The following IRAK2 variants were observed in gnomAD, a reference collection of about 807,000 sequenced individuals.
The protein encoded by IRAK2 is interleukin 1 receptor associated kinase 2, also known as interleukin-1 receptor-associated kinase-like 2.
A neutral mutation model predicts 72.0 loss-of-function variants in IRAK2; 57 were observed. The ratio of observed to expected loss-of-function variants is 0.79; its 90% confidence interval spans 0.64 to 0.99. The LOEUF (loss-of-function observed/expected upper bound fraction) is 0.99. Among genes scored for constraint, IRAK2 ranks in the 50% least tolerant of loss-of-function variants. IRAK2 has a pLI of 0.00. For missense variants in IRAK2, 790 were observed against 794.4 expected, an observed-to-expected ratio of 0.99 and a Z score of 0.07; for synonymous variants, 293 against 312.7, an observed-to-expected ratio of 0.94 and a Z score of 0.67.
intron 2 of IRAK2, among the ~76,000 whole-genome samples, chr3:10,195,721 A>G (rs543668859): frequency 6.6e-6 from 1 of 152,246 alleles, no homozygotes; most frequent in Non-Finnish European, 1.5e-5. Flanking sequence ...TGAGACCTTT[A>G]GGGAGCATTT....
chr3:10,237,146 C>G (rs574123906), intron 11 of IRAK2, among the ~76,000 whole-genome samples: 11 of 152,368 alleles, frequency 7.2e-5, no homozygotes, highest in African/African-American at 2.4e-4. Flanking sequence ...ATGGCCACGC[C>G]TAGCTCCAAG....
intron 4 of IRAK2, among the ~76,000 whole-genome samples, chr3:10,212,798 T>C: frequency 7.5e-6 from 1 of 132,566 alleles, no homozygotes; most frequent in Admixed American, 8.5e-5. Flanking sequence ...AGAGTCTCGC[T>C]CTGTCACCCA....
At chr3:10,211,264 C>T (rs1269005315) in intron 4 of IRAK2, among the ~76,000 whole-genome samples, 1 of 152,144 alleles carries the variant, frequency 6.6e-6, no homozygotes, top group East Asian at 1.9e-4. Flanking sequence ...GCCTCAGCCT[C>T]CTGAGTATCC....
chr3:10,220,391 GTTC>G (rs1352047372), intron 8 of IRAK2, among the ~76,000 whole-genome samples: 1 of 152,100 alleles, frequency 6.6e-6, no homozygotes, highest in East Asian at 1.9e-4. Context: ...TTTCCCCAAA[GTTC>G]TCTTTCCATT....
intron 3 of IRAK2, among the ~76,000 whole-genome samples, chr3:10,206,854 C>A (rs1279453918): frequency 3.8e-5 from 2 of 52,232 alleles, no homozygotes; most frequent in Non-Finnish European, 7.4e-5. Flanking sequence ...CTGTGCTGGC[C>A]AAAACAAATT....
intron 6 of IRAK2, among the ~76,000 whole-genome samples, chr3:10,215,577 G>A (rs954145686): frequency 2.6e-5 from 4 of 151,776 alleles, no homozygotes; most frequent in African/African-American, 9.7e-5. Context: ...GTAGAGACAC[G>A]ATCTCACTAT....
intron 8 of IRAK2, among the ~76,000 whole-genome samples, chr3:10,221,629 G>A (rs757389669): frequency 1.4e-4 from 21 of 151,246 alleles, no homozygotes; most frequent in South Asian, 4.2e-4. Flanking sequence ...TCAGCTCACC[G>A]CAGCTTCCCA....
At chr3:10,182,701 C>T (rs1032480576) in intron 2 of IRAK2, among the ~76,000 whole-genome samples, 7 of 151,978 alleles carry the variant, frequency 4.6e-5, no homozygotes, top group African/African-American at 1.5e-4. Context: ...TGAGCCACTG[C>T]GCCAGGCCCT....
At chr3:10,175,950 A>T (rs1045425139) in intron 1 of IRAK2, among the ~76,000 whole-genome samples, 2 of 151,652 alleles carry the variant, frequency 1.3e-5, no homozygotes. Flanking sequence ...CGTGGCAACA[A>T]CTACATCCAA....
At chr3:10,193,501 T>C (rs1456076170) in intron 2 of IRAK2, among the ~76,000 whole-genome samples, 2 of 151,884 alleles carry the variant, frequency 1.3e-5, no homozygotes, top group Non-Finnish European at 2.9e-5. Context: ...CGTGCTCCTG[T>C]GGTCTCAGCT....
At chr3:10,165,549 G>T (rs1353860593) in intron 1 of IRAK2, among the ~76,000 whole-genome samples, 1 of 152,020 alleles carries the variant, frequency 6.6e-6, no homozygotes, top group Non-Finnish European at 1.5e-5. Context: ...AGGCTGGAGT[G>T]CAATGGCACG....
chr3:10,236,865 TAACAGTTTG>T (rs1697968421), intron 11 of IRAK2, among the ~76,000 whole-genome samples: 2 of 152,366 alleles, frequency 1.3e-5, no homozygotes, highest in South Asian at 4.1e-4. Flanking sequence ...CTCTTTAGTG[TAACAGTTTG>T]AATTTACGCA....
chr3:10,174,652 G>A (rs765376356), intron 1 of IRAK2, among the ~76,000 whole-genome samples: 13 of 151,894 alleles, frequency 8.6e-5, no homozygotes, highest in African/African-American at 2.9e-4. Flanking sequence ...AGCCTTCCAC[G>A]TAGCTGGGAC....
intron 10 of IRAK2, among the ~76,000 whole-genome samples, chr3:10,230,455 TG>T (rs1243522082): frequency 1.3e-5 from 2 of 152,140 alleles, no homozygotes. Context: ...CCCGGGTAGC[TG>T]GGATTATAGG....
intron 12 of IRAK2, among the ~76,000 whole-genome samples, chr3:10,241,552 C>T (rs1245671722): frequency 1.1e-5 from 1 of 90,892 alleles, no homozygotes; most frequent in Non-Finnish European, 2.0e-5. Context: ...GAGTGAGACT[C>T]CATCTCAACA....
At chr3:10,177,800 T>C in intron 1 of IRAK2, 38 bp from the exon 2 acceptor site, 1 of 1,597,592 alleles carries the variant, frequency 6.3e-7, no homozygotes, top group Non-Finnish European at 8.5e-7. Context: ...AGGGACTGCC[T>C]CTCTGACTCT....
chr3:10,209,195 G>T, intron 3 of IRAK2, among the ~76,000 whole-genome samples: 1 of 152,150 alleles, frequency 6.6e-6, no homozygotes, highest in Non-Finnish European at 1.5e-5. Flanking sequence ...TGGAAGGCAG[G>T]CTTGGTAGCT....
chr3:10,168,487 A>T (rs1398111857), intron 1 of IRAK2, among the ~76,000 whole-genome samples: 1 of 152,186 alleles, frequency 6.6e-6, no homozygotes, highest in Non-Finnish European at 1.5e-5. Context: ...CTGGGATTAC[A>T]GGTGTGAGCA....
rs535025603 is a variant in IRAK2, at chr3:10,201,922, T to G, written c.424+1407T>G. Among the ~76,000 whole-genome samples the G allele has an allele frequency of 7.9e-5, 12 of 152,348 alleles. No individual in the cohort carries two copies. The South Asian group carries it at 2.5e-3, about 32-fold the overall frequency. On this transcript the variant is annotated intron_variant, in intron 3 of 12. Coordinates refer to ENST00000256458, the MANE Select transcript of IRAK2 (RefSeq NM_001570.4). ...ATATTTGAATCCTAGTGCTGCTGTTTTGTAGAATGACTTAGCGTTTGTACC... is the reference window on the plus strand; with the variant it reads ...ATATTTGAATCCTAGTGCTGCTGTTGTGTAGAATGACTTAGCGTTTGTACC...
Sources: gnomAD v4.1 joint callset for allele counts (sites outside exome capture counted in the v4.1 genomes callset) on GRCh38, gnomAD v4.1.1 for gene constraint, MANE v1.5 for transcripts, NCBI Gene and HGNC (gene_info 2026-07-23, HGNC 2026-07-21) for gene names.